INPP4B: variants seen among roughly 807,000 people sequenced by gnomAD.
The protein encoded by INPP4B is inositol polyphosphate-4-phosphatase type II B, also known as inositol polyphosphate 4-phosphatase type II.
Under a neutral mutation model 122.5 loss-of-function variants are expected in INPP4B, and 55 were observed. The observed-to-expected ratio is 0.45, with a 90% CI of 0.36 to 0.56. INPP4B has a LOEUF of 0.56. Ranked by LOEUF, INPP4B falls within the 20% of genes least tolerant of loss-of-function variation. The pLI is 0.00. For missense variants in INPP4B, 1,000 were observed against 1,097.7 expected (o/e 0.91, Z 1.26); for synonymous variants, 403 against 388.7 (o/e 1.04, Z -0.43).
At chr4:142,066,767 G>A (rs1011385917) in intron 25 of INPP4B, among the ~76,000 whole-genome samples, 1 of 152,208 alleles carries the variant, frequency 6.6e-6, no homozygotes, top group Admixed American at 6.5e-5. Context: ...CAGCAGCGAG[G>A]CTGAGGGAGG....
chr4:142,196,511 C>T (rs1838280553), intron 14 of INPP4B, among the ~76,000 whole-genome samples: 1 of 152,054 alleles, frequency 6.6e-6, no homozygotes, highest in African/African-American at 2.4e-5. Flanking sequence ...CCTCTCCTTC[C>T]CTCATCATTA....
At chr4:142,427,343 T>C (rs560708233) in intron 5 of INPP4B, 21 of 417,064 alleles carry the variant, frequency 5.0e-5, no homozygotes, top group African/African-American at 3.3e-4. Flanking sequence ...TTTGACAAGA[T>C]AAAATTATCT....
rs146898339 is a variant in INPP4B, at chr4:142,558,061, C to T, written c.-190-95335G>A. Among the ~76,000 whole-genome samples the T allele has an allele frequency of 6.3e-3, 967 of 152,330 alleles. 24 individuals are homozygous for T. The highest frequency in any genetic ancestry group is 0.032 in the Admixed American group (494 of 15,290). On this transcript the variant is annotated intron_variant, in intron 2 of 25. Coordinates refer to ENST00000262992, the MANE Select transcript of INPP4B (RefSeq NM_001101669.3). Reference sequence around the variant, plus strand: ...CATCTCTGGTGCCAACCATGGTAATCCTATTTGCCAATTTCCATCCTAAGA... The same window carrying T: ...CATCTCTGGTGCCAACCATGGTAATTCTATTTGCCAATTTCCATCCTAAGA...
intron 2 of INPP4B, among the ~76,000 whole-genome samples, chr4:142,691,368 C>A (rs375858851): frequency 5.9e-5 from 9 of 151,442 alleles, no homozygotes; most frequent in African/African-American, 2.2e-4. Flanking sequence ...TCAGGACCCA[C>A]ACAATCCTAG....
At chr4:142,047,286 T>C (rs1269629443) in intron 25 of INPP4B, among the ~76,000 whole-genome samples, 4 of 152,146 alleles carry the variant, frequency 2.6e-5, no homozygotes, top group African/African-American at 9.6e-5. Flanking sequence ...CCAGTTTTTT[T>C]CTATCCATTT....
chr4:142,750,417 A>G (rs1254105106), intron 1 of INPP4B, among the ~76,000 whole-genome samples: 1 of 152,170 alleles, frequency 6.6e-6, no homozygotes, highest in Non-Finnish European at 1.5e-5. Flanking sequence ...GAATGATTAA[A>G]GAATCTATCA....
intron 8 of INPP4B, among the ~76,000 whole-genome samples, chr4:142,307,842 T>A (rs1280913305): frequency 1.3e-5 from 2 of 152,180 alleles, no homozygotes; most frequent in Non-Finnish European, 2.9e-5. Context: ...TTTTAAGATT[T>A]TGGAGGTATG....
intron 2 of INPP4B, among the ~76,000 whole-genome samples, chr4:142,600,707 T>C (rs1052965386): frequency 2.0e-5 from 3 of 152,010 alleles, no homozygotes; most frequent in Admixed American, 1.3e-4. Flanking sequence ...CAATAACAAC[T>C]CTTGAATATA....
At chr4:142,047,533 G>A (rs1321595816) in intron 25 of INPP4B, among the ~76,000 whole-genome samples, 1 of 151,898 alleles carries the variant, frequency 6.6e-6, no homozygotes, top group East Asian at 1.9e-4. Context: ...GAAAGCAGAG[G>A]CCTCCAGAGA....
At chr4:142,587,612 A>G (rs1736507703) in intron 2 of INPP4B, among the ~76,000 whole-genome samples, 1 of 152,152 alleles carries the variant, frequency 6.6e-6, no homozygotes, top group African/African-American at 2.4e-5. Context: ...ACATGCATGC[A>G]ATGCATAATA....
Position 142,240,230 on chromosome 4 carries a change from C to T in INPP4B, c.689-2219G>A, listed in dbSNP as rs538820108. Among the ~76,000 whole-genome samples the T allele has an allele frequency of 1.2e-3, 178 of 151,342 alleles. 1 individual carries two copies. The highest frequency in any genetic ancestry group is 2.3e-3 in the Non-Finnish European group (153 of 67,850). On this transcript the variant is annotated intron_variant, in intron 11 of 25. Transcript: ENST00000262992. ...TTCTTTTTTTGTAAAGACAGGGTTTCACCATTGTTACCCAGGCTGGTCTTA... is the reference window on the plus strand; with the variant it reads ...TTCTTTTTTTGTAAAGACAGGGTTTTACCATTGTTACCCAGGCTGGTCTTA...
chr4:142,562,498 T>C (rs1211232120), intron 2 of INPP4B, among the ~76,000 whole-genome samples: 9 of 152,110 alleles, frequency 5.9e-5, no homozygotes. Flanking sequence ...TAGGACTTTT[T>C]CCCCTCAATG....
intron 9 of INPP4B, among the ~76,000 whole-genome samples, chr4:142,302,199 C>A (rs2151139633): frequency 6.6e-6 from 1 of 152,194 alleles, no homozygotes; most frequent in Admixed American, 6.5e-5. Context: ...TCACACTTTT[C>A]CATCATGATT....
chr4:142,338,535 T>C (rs1417320892), intron 7 of INPP4B, among the ~76,000 whole-genome samples: 5 of 152,090 alleles, frequency 3.3e-5, no homozygotes. Context: ...ACCAGGCAAC[T>C]TTTAAAAACA....
At chr4:142,449,698 C>CAAAAAAAA (rs761552688) in intron 3 of INPP4B, among the ~76,000 whole-genome samples, 28 of 105,286 alleles carry the variant, frequency 2.7e-4, no homozygotes, top group African/African-American at 9.3e-4. Context: ...GACTCTGTCC[C>CAAAAAAAA]AAAAAAAAAA....
rs1239781665 is a variant in INPP4B, at chr4:142,314,700, AG to A, written c.423+11del. 1 of 1,601,618 alleles carries A rather than the reference AG, an allele frequency of 6.2e-7. No individual in the cohort carries two copies. The highest frequency in any genetic ancestry group is 1.1e-5 in the South Asian group (1 of 87,422). Reference sequence around the variant, plus strand: ...GATGTGTGTGCCTTCTGGAAACGTTAGAAACACTTACCCCAACTTCTGGCGG... The same window carrying A: ...GATGTGTGTGCCTTCTGGAAACGTTAAAACACTTACCCCAACTTCTGGCGG... On this transcript the variant is annotated intron_variant, in intron 8 of 25. Transcript: ENST00000262992.
At chr4:142,481,329 A>G (rs1424030946) in intron 2 of INPP4B, among the ~76,000 whole-genome samples, 3 of 151,834 alleles carry the variant, frequency 2.0e-5, no homozygotes, top group Admixed American at 6.6e-5. Flanking sequence ...AAAGGGTGAA[A>G]AAGGAAAACA....
At chr4:142,189,949 C>T (rs187650047) in intron 15 of INPP4B, among the ~76,000 whole-genome samples, 9 of 152,226 alleles carry the variant, frequency 5.9e-5, no homozygotes, top group African/African-American at 1.7e-4. Flanking sequence ...GGTTGTATGA[C>T]CTGAATTGCT....
chr4:142,433,688 T>C (rs1039778021), intron 3 of INPP4B, among the ~76,000 whole-genome samples: 15 of 152,184 alleles, frequency 9.9e-5, no homozygotes, highest in African/African-American at 3.4e-4. Context: ...GCAAATGTGA[T>C]GTGTTCAACA....
Sources: allele counts gnomAD v4.1 joint callset (sites outside exome capture counted in the v4.1 genomes callset), GRCh38; gene constraint gnomAD v4.1.1; transcripts MANE v1.5; gene names NCBI Gene and HGNC (gene_info 2026-07-23, HGNC 2026-07-21).